Variants in FARP1 observed in about 807,000 individuals in gnomAD.
The protein encoded by FARP1 is FERM, ARHGEF and pleckstrin domain-containing protein 1.
A neutral mutation model predicts 128.8 loss-of-function variants in FARP1; 52 were observed. The ratio of observed to expected loss-of-function variants is 0.40; its 90% confidence interval spans 0.32 to 0.51. The LOEUF (loss-of-function observed/expected upper bound fraction) is 0.51. FARP1 is among the 20% of genes least tolerant of loss of function. FARP1 has a pLI of 0.45. For missense variants in FARP1, 1,333 were observed against 1,367.9 expected, an observed-to-expected ratio of 0.97 and a Z score of 0.40; for synonymous variants, 580 against 551.8, an observed-to-expected ratio of 1.05 and a Z score of -0.72.
chr13:98,331,503 T>C (rs191627509), intron 2 of FARP1, among the ~76,000 whole-genome samples: 1 of 152,324 alleles, frequency 6.6e-6, no homozygotes, highest in Non-Finnish European at 1.5e-5. Context: ...TTTTATTTTA[T>C]AGTGATTAAA....
intron 2 of FARP1, among the ~76,000 whole-genome samples, chr13:98,226,749 T>C (rs902529996): frequency 2.0e-5 from 3 of 152,164 alleles, no homozygotes; most frequent in African/African-American, 4.8e-5. Flanking sequence ...GGTGGCCATA[T>C]GAGATGAGAA....
chr13:98,358,437 G>T (rs1013607248), intron 3 of FARP1, among the ~76,000 whole-genome samples: 5 of 151,986 alleles, frequency 3.3e-5, no homozygotes, highest in African/African-American at 1.2e-4. Context: ...GAGTTGCTTT[G>T]TATAGGAAAA....
At position 98,371,769 on chromosome 13, in the gene FARP1, G is replaced by A. The variant is rs1421103339; in HGVS notation, c.398+3574G>A. Among the ~76,000 whole-genome samples the A allele has an allele frequency of 2.0e-5, 3 of 152,120 alleles. No homozygotes were observed. The East Asian group carries it at 5.8e-4, about 29-fold the overall frequency. Reference sequence around the variant, plus strand: ...TCAGCTGTGCTTTGTGGGGAGGGACGCATACACAGAAGTGGGACAGACGGA... The same window carrying A: ...TCAGCTGTGCTTTGTGGGGAGGGACACATACACAGAAGTGGGACAGACGGA... On this transcript the variant is annotated intron_variant, in intron 5 of 26. Coordinates refer to ENST00000319562, the MANE Select transcript of FARP1 (RefSeq NM_005766.4).
At chr13:98,249,198 C>A (rs950849487) in intron 2 of FARP1, among the ~76,000 whole-genome samples, 1 of 152,108 alleles carries the variant, frequency 6.6e-6, no homozygotes, top group African/African-American at 2.4e-5. Context: ...GACTGTATTT[C>A]AACTAAGTGA....
At chr13:98,428,235 T>C (rs540422617) in intron 17 of FARP1, among the ~76,000 whole-genome samples, 1 of 152,274 alleles carries the variant, frequency 6.6e-6, no homozygotes, top group African/African-American at 2.4e-5. Flanking sequence ...GCTGTGAATG[T>C]CCACTTGCAC....
chr13:98,434,769 T>C (rs1188938870), intron 18 of FARP1: 1 of 152,252 alleles, frequency 6.6e-6, no homozygotes, highest in Non-Finnish European at 1.5e-5. Context: ...CCAAGGCGTG[T>C]GGATCGCCTG....
chr13:98,396,079 G>C (rs753841791), intron 13 of FARP1: 90 of 399,014 alleles, frequency 2.3e-4, no homozygotes, highest in Non-Finnish European at 1.1e-4. Context: ...GTCAGAGACA[G>C]ATCCACTCAT....
rs760220445 is a variant in FARP1 at position 98,411,878 on chromosome 13, G to A, written c.1693-23G>A. 15 of 1,611,240 alleles carry A rather than the reference G, an allele frequency of 9.3e-6. No homozygotes were observed. In the Admixed American group the frequency reaches 2.4e-4, roughly 25 times the overall value. On this transcript the variant is annotated intron_variant, in intron 15 of 26. Coordinates refer to ENST00000319562, the MANE Select transcript of FARP1 (RefSeq NM_005766.4). ...TCGTCATTGATCTTTCCACCCGTAA[G>A]TGCATCGTCTTCTTCTTTCCAGTGG... is the stretch of plus-strand genomic sequence containing the variant.
At chr13:98,300,965 T>C (rs1594374990) in intron 2 of FARP1, among the ~76,000 whole-genome samples, 1 of 152,192 alleles carries the variant, frequency 6.6e-6, no homozygotes, top group South Asian at 2.1e-4. Context: ...AACCCTGGAA[T>C]TGGTGATCCT....
intron 2 of FARP1, among the ~76,000 whole-genome samples, chr13:98,341,453 G>A (rs1250703872): frequency 6.6e-6 from 1 of 152,120 alleles, no homozygotes; most frequent in South Asian, 2.1e-4. Flanking sequence ...TCAACATGGT[G>A]AAACCCCGTC....
At chr13:98,390,264 T>C in intron 10 of FARP1, 144 bp downstream of exon 10, 4 of 861,896 alleles carry the variant, frequency 4.6e-6, no homozygotes, top group Non-Finnish European at 7.1e-6. Flanking sequence ...GCTTGTATCT[T>C]AATCCCAGTG....
chr13:98,333,066 G>A (rs1365660522), intron 2 of FARP1: 1 of 152,258 alleles, frequency 6.6e-6, no homozygotes, highest in Non-Finnish European at 1.5e-5. Context: ...TGAGCCCAAG[G>A]AGAAAAGTGC....
intron 2 of FARP1, among the ~76,000 whole-genome samples, chr13:98,288,991 A>G (rs1048666479): frequency 1.5e-5 from 2 of 135,000 alleles, no homozygotes; most frequent in African/African-American, 5.7e-5. Flanking sequence ...TTTTCTGTGT[A>G]TGAGCAATTC....
intron 2 of FARP1, among the ~76,000 whole-genome samples, chr13:98,257,624 G>A (rs181343715): frequency 2.0e-4 from 30 of 152,266 alleles, no homozygotes; most frequent in South Asian, 1.2e-3. Flanking sequence ...ACAAAAATTA[G>A]CTAGGCATGG....
chr13:98,210,159 T>G (rs1880590319), intron 1 of FARP1, among the ~76,000 whole-genome samples: 1 of 151,986 alleles, frequency 6.6e-6, no homozygotes, highest in Non-Finnish European at 1.5e-5. Context: ...TTCTCAAATG[T>G]GAGTGAGACG....
intron 3 of FARP1, among the ~76,000 whole-genome samples, chr13:98,348,219 C>T (rs534533362): frequency 1.1e-3 from 165 of 152,324 alleles, no homozygotes; most frequent in African/African-American, 3.8e-3. Flanking sequence ...GCAAGCTTGG[C>T]CTGCTCTTGC....
intron 13 of FARP1, chr13:98,395,781 C>T (rs569347668): frequency 2.2e-5 from 9 of 407,384 alleles, no homozygotes; most frequent in Non-Finnish European, 3.5e-5. Context: ...TTGATATGAG[C>T]GGGAGCCCTC....
rs11841018 is a variant in FARP1 at position 98,429,519 on chromosome 13, C to G, written c.1906-1524C>G. On this transcript the variant is annotated intron_variant, in intron 17 of 26. Coordinates refer to ENST00000319562, the MANE Select transcript of FARP1 (RefSeq NM_005766.4). ...ATGGGAAAGAAGACAAGGGCAGGTC[C>G]CACATTTTCTGGAGGACAAATTGAT... 2.4e-3 allele frequency among the ~76,000 whole-genome samples: 362 copies of G among 152,206 alleles called. 5 individuals are homozygous for G. The highest frequency in any genetic ancestry group is 8.5e-3 in the African/African-American group (351 of 41,472).
Position 98,409,484 on chromosome 13 carries a change from G to A in FARP1, c.1561G>A (p.Ala521Thr), listed in dbSNP as rs1891108271. The change falls in exon 14 of 27, where the codon GCC (alanine) becomes ACC (threonine). Residue 521 changes from alanine to threonine, a missense_variant. By Grantham distance (58) the Ala-to-Thr change is moderately conservative. Transcript: ENST00000319562. ...GATCAGCCCGCTGCTGAATGACCAG[G>A]CCTGCCCCCGGACGGACGATGAGGA... Reference protein sequence around the residue: ...PLISPLLNDQACPRTDDEDEG... With the variant: ...PLISPLLNDQTCPRTDDEDEG... The A allele has an allele frequency of 2.5e-6, 4 of 1,613,774 alleles. No individual in the cohort carries two copies. Among genetic ancestry groups the A allele is most frequent in the Admixed American group, 1.7e-5 (1 of 59,992 alleles).
Sources: gnomAD v4.1 joint callset for allele counts (sites outside exome capture counted in the v4.1 genomes callset) on GRCh38, gnomAD v4.1.1 for gene constraint, MANE v1.5 for transcripts, NCBI Gene and HGNC (gene_info 2026-07-23, HGNC 2026-07-21) for gene names.